Variants in ZNF804A observed in about 807,000 individuals in gnomAD.
ZNF804A encodes the protein zinc finger protein 804A.
A neutral mutation model predicts 16.5 loss-of-function variants in ZNF804A; 2 were observed. That is an observed-to-expected ratio of 0.12 (90% confidence interval 0.05 to 0.38). ZNF804A has a LOEUF of 0.38. Ranked by LOEUF, ZNF804A falls within the 10% of genes least tolerant of loss-of-function variation. ZNF804A has a pLI of 0.99. For missense variants in ZNF804A, 1,473 were observed against 1,390.7 expected (o/e 1.06, Z -0.94); for synonymous variants, 534 against 489.6 (o/e 1.09, Z -1.20).
At chr2:184,896,672 G>A (rs1329960203) in intron 2 of ZNF804A, among the ~76,000 whole-genome samples, 1 of 151,982 alleles carries the variant, frequency 6.6e-6, no homozygotes, top group South Asian at 2.1e-4. Context: ...GGTCAATATG[G>A]CAGTTTTAAT....
At chr2:184,692,275 A>C (rs1421723049) in intron 1 of ZNF804A, among the ~76,000 whole-genome samples, 1 of 152,050 alleles carries the variant, frequency 6.6e-6, no homozygotes, top group Non-Finnish European at 1.5e-5. Context: ...TATTAGAAAA[A>C]CCTGTCTTCT....
At chr2:184,925,701 T>G (rs964849371) in intron 2 of ZNF804A, among the ~76,000 whole-genome samples, 2 of 151,968 alleles carry the variant, frequency 1.3e-5, no homozygotes, top group Non-Finnish European at 2.9e-5. Flanking sequence ...TTATTTGTTG[T>G]GTTTTAATTG....
At position 184,639,330 on chromosome 2, in the gene ZNF804A, T is replaced by C. The variant is rs1691755098; in HGVS notation, c.111+40260T>C. On this transcript the variant is annotated intron_variant, in intron 1 of 3. Coordinates refer to ENST00000302277, the MANE Select transcript of ZNF804A (RefSeq NM_194250.2). ...CTCAGGTGATCCACCCGCCTCGGCC[T>C]CCCAAAGTGTTGAGATTACAGGTAT... Among the ~76,000 whole-genome samples the C allele has an allele frequency of 1.3e-5, 2 of 151,890 alleles. 1 individual carries two copies. Among genetic ancestry groups the C allele is most frequent in the South Asian group, 4.2e-4 (2 of 4,798 alleles).
rs1007629937 is a variant in ZNF804A at position 184,701,260 on chromosome 2, G to A, written c.111+102190G>A. 3.3e-4 allele frequency among the ~76,000 whole-genome samples: 50 copies of A among 151,834 alleles called. 1 individual carries two copies. Among genetic ancestry groups the A allele is most frequent in the African/African-American group, 1.1e-3 (44 of 41,486 alleles). On this transcript the variant is annotated intron_variant, in intron 1 of 3. Coordinates refer to ENST00000302277, the MANE Select transcript of ZNF804A (RefSeq NM_194250.2). ...CCAAGAGCCACAAAAACAATGTTAC[G>A]ACAGAATACAGCCAAAGACTTGAAG...
chr2:184,743,866 CA>C, intron 1 of ZNF804A, among the ~76,000 whole-genome samples: 1 of 151,630 alleles, frequency 6.6e-6, no homozygotes, highest in Non-Finnish European at 1.5e-5. Context: ...ATATAGCATT[CA>C]AAACAGACAT....
chr2:184,752,399 G>A (rs570388839), intron 1 of ZNF804A, among the ~76,000 whole-genome samples: 2 of 151,780 alleles, frequency 1.3e-5, no homozygotes, highest in South Asian at 2.1e-4. Context: ...AATACTGTAT[G>A]TTCTTACTTA....
At chr2:184,732,600 T>A (rs1302872214) in intron 1 of ZNF804A, among the ~76,000 whole-genome samples, 1 of 152,184 alleles carries the variant, frequency 6.6e-6, no homozygotes, top group South Asian at 2.1e-4. Context: ...TTTCATTTAA[T>A]CTGTAAATCA....
intron 1 of ZNF804A, among the ~76,000 whole-genome samples, chr2:184,802,739 A>C (rs1172328092): frequency 6.6e-6 from 1 of 152,220 alleles, no homozygotes; most frequent in Non-Finnish European, 1.5e-5. Flanking sequence ...ACCCTATATG[A>C]GAAAGCTAAA....
intron 1 of ZNF804A, among the ~76,000 whole-genome samples, chr2:184,741,726 T>C (rs1693711267): frequency 6.6e-6 from 1 of 152,148 alleles, no homozygotes; most frequent in African/African-American, 2.4e-5. Context: ...GAAACTCAAA[T>C]ATGTAGAAAA....
chr2:184,704,541 T>G (rs756372949), intron 1 of ZNF804A, among the ~76,000 whole-genome samples: 42 of 152,102 alleles, frequency 2.8e-4, no homozygotes, highest in Admixed American at 4.6e-4. Context: ...AAGTTATAGT[T>G]TAGGTTAAGT....
At chr2:184,822,784 A>T (rs1191869241) in intron 1 of ZNF804A, among the ~76,000 whole-genome samples, 1 of 152,184 alleles carries the variant, frequency 6.6e-6, no homozygotes, top group African/African-American at 2.4e-5. Flanking sequence ...ATATTAGTAC[A>T]TTTAATACAA....
chr2:184,730,401 A>T (rs1195049850), intron 1 of ZNF804A, among the ~76,000 whole-genome samples: 2 of 152,148 alleles, frequency 1.3e-5, no homozygotes, highest in African/African-American at 4.8e-5. Context: ...TGGAATCAAT[A>T]GTTTGTGTTA....
intron 2 of ZNF804A, among the ~76,000 whole-genome samples, chr2:184,887,446 A>T (rs1684910862): frequency 6.6e-6 from 1 of 152,186 alleles, no homozygotes; most frequent in Admixed American, 6.5e-5. Flanking sequence ...CAACATTTTC[A>T]GGTATCTTTT....
At chr2:184,683,261 T>G (rs1180734227) in intron 1 of ZNF804A, among the ~76,000 whole-genome samples, 1 of 152,236 alleles carries the variant, frequency 6.6e-6, no homozygotes, top group Non-Finnish European at 1.5e-5. Context: ...CATTTCATGA[T>G]TATTAATTTA....
intron 1 of ZNF804A, among the ~76,000 whole-genome samples, chr2:184,647,052 C>G (rs979771530): frequency 2.0e-5 from 3 of 152,180 alleles, no homozygotes; most frequent in African/African-American, 7.2e-5. Flanking sequence ...CTTATAAAAA[C>G]CATCAACTGG....
chr2:184,681,597 T>C (rs1692541205), intron 1 of ZNF804A, among the ~76,000 whole-genome samples: 1 of 152,172 alleles, frequency 6.6e-6, no homozygotes, highest in Non-Finnish European at 1.5e-5. Context: ...CAATTATCAT[T>C]TATTGGTTTA....
chr2:184,935,362 T>G (rs376150815), intron 3 of ZNF804A, among the ~76,000 whole-genome samples: 1 of 152,298 alleles, frequency 6.6e-6, no homozygotes, highest in East Asian at 1.9e-4. Flanking sequence ...GCAGTCATGA[T>G]TAAGGGTTTT....
intron 2 of ZNF804A, among the ~76,000 whole-genome samples, chr2:184,898,844 A>G (rs1685131255): frequency 1.3e-5 from 2 of 152,004 alleles, no homozygotes; most frequent in African/African-American, 4.8e-5. Context: ...TAAAAGTGTG[A>G]AAAATGTTGA....
intron 1 of ZNF804A, among the ~76,000 whole-genome samples, chr2:184,844,678 T>A (rs1408431951): frequency 6.6e-6 from 1 of 151,982 alleles, no homozygotes; most frequent in Admixed American, 6.6e-5. Flanking sequence ...CTGATATGCT[T>A]ATGTGTTTGT....
Sources: allele counts gnomAD v4.1 joint callset (sites outside exome capture counted in the v4.1 genomes callset), GRCh38; gene constraint gnomAD v4.1.1; transcripts MANE v1.5; gene names NCBI Gene and HGNC (gene_info 2026-07-23, HGNC 2026-07-21).